Variants in RNF213 observed in about 807,000 individuals in gnomAD.
The protein encoded by RNF213 is ring finger protein 213, also known as E3 ubiquitin-protein ligase RNF213.
In RNF213, 341 loss-of-function variants were observed where a neutral mutation model predicts 514.4. The observed-to-expected ratio is 0.66, with a 90% CI of 0.61 to 0.73. The LOEUF (loss-of-function observed/expected upper bound fraction) is 0.73. RNF213 is among the 30% of genes least tolerant of loss of function. RNF213 has a pLI of 0.00. For missense variants in RNF213, 5,767 were observed against 6,615.6 expected, an observed-to-expected ratio of 0.87 and a Z score of 4.45; for synonymous variants, 2,655 against 2,658.2, an observed-to-expected ratio of 1.00 and a Z score of 0.04.
Position 80,290,433 on chromosome 17 carries a change from G to A in RNF213, c.1113-137G>A, listed in dbSNP as rs1360484379. ...TGTGTGCGTGTGTGCGAGTGTGCGCGTGTGTGCATGTGTGTGTGCGAGTGC... is the reference window on the plus strand; with the variant it reads ...TGTGTGCGTGTGTGCGAGTGTGCGCATGTGTGCATGTGTGTGTGCGAGTGC... On this transcript the variant is annotated intron_variant, in intron 6 of 67. Transcript: ENST00000582970. The A allele has an allele frequency of 5.0e-5, 51 of 1,017,162 alleles. 2 individuals are homozygous for A. Among genetic ancestry groups the A allele is most frequent in the South Asian group, 2.6e-4 (20 of 77,304 alleles). The allele number at this position is 1,017,162 out of a possible 1,614,324, so 63.0% of individuals were successfully genotyped here.
rs536108609 is a variant in RNF213 at position 80,340,277 on chromosome 17, G to A, written c.5910G>A (p.Pro1970=). 113 of 1,614,058 alleles carry A rather than the reference G, an allele frequency of 7.0e-5. No individual in the cohort carries two copies. Among genetic ancestry groups the A allele is most frequent in the Middle Eastern group, 4.9e-4 (3 of 6,062 alleles). The part of the protein sequence containing the change: ...QAYLAGHYRV[P]KQTLSAAAVF... Reference sequence around the variant, plus strand: ...ACCTGGCAGGTCACTACCGGGTCCCGAAGCAGACCCTGTCGGCGGCAGCCG... The same window carrying A: ...ACCTGGCAGGTCACTACCGGGTCCCAAAGCAGACCCTGTCGGCGGCAGCCG... Residue 1970 remains proline (P), a synonymous_variant, in exon 26 of 68, where the codon CCG becomes CCA. Coordinates refer to ENST00000582970, the MANE Select transcript of RNF213 (RefSeq NM_001256071.3).
intron 57 of RNF213, chr17:80,382,354 A>AC (rs2080046178): frequency 6.4e-6 from 1 of 156,336 alleles, no homozygotes; most frequent in Non-Finnish European, 1.4e-5. Context: ...AATCTGCAAA[A>AC]ATCACAATGA....
At chr17:80,331,262 G>A (rs2046407011) in intron 20 of RNF213, among the ~76,000 whole-genome samples, 1 of 152,132 alleles carries the variant, frequency 6.6e-6, no homozygotes, top group Admixed American at 6.6e-5. Flanking sequence ...TGCCCACTGG[G>A]ACCCTAGGAC....
In RNF213 at chr17:80,319,414, C is replaced by G. The variant is rs150268023; in HGVS notation, c.3024+102C>G. 46 of 1,614,084 alleles carry G rather than the reference C, an allele frequency of 2.8e-5. No individual in the cohort carries two copies. The African/African-American group carries it at 6.0e-4, about 21-fold the overall frequency. On this transcript the variant is annotated intron_variant, in intron 17 of 67. Transcript: ENST00000582970. ...AGCACCCGCTGGGTCTCAGCTCCTCCGCTAACTCAGAGATTGGGAAGTGGG... is the reference window on the plus strand; with the variant it reads ...AGCACCCGCTGGGTCTCAGCTCCTCGGCTAACTCAGAGATTGGGAAGTGGG...
intron 11 of RNF213, among the ~76,000 whole-genome samples, chr17:80,302,823 T>C (rs2045227423): frequency 1.3e-5 from 2 of 152,168 alleles, no homozygotes; most frequent in African/African-American, 4.8e-5. Context: ...CCAGATTCCC[T>C]AGAAGTTGAA....
intron 25 of RNF213, 104 bp from the exon 26 acceptor site, chr17:80,339,097 T>C (rs1042116713): frequency 1.1e-6 from 1 of 948,760 alleles, no homozygotes; most frequent in Non-Finnish European, 1.5e-6. Flanking sequence ...AGTGGGCCTG[T>C]GGACAGGGCC....
rs2080691826 is a variant in RNF213, at chr17:80,397,696, CAT to C, written c.*4199_*4200del. On this transcript the variant is annotated 3_prime_UTR_variant, in exon 68 of 68. Transcript: ENST00000582970. ...ACTCGGGGAGCTCAGTTGTTGGAGACATGAGTCTTGCCGAAGCGCCCGGCTGA... is the reference window on the plus strand; with the variant it reads ...ACTCGGGGAGCTCAGTTGTTGGAGACGAGTCTTGCCGAAGCGCCCGGCTGA... The C allele has an allele frequency of 6.6e-6, 1 of 151,812 alleles. No homozygotes were observed. Among genetic ancestry groups the C allele is most frequent in the South Asian group, 2.1e-4 (1 of 4,790 alleles). 9.4% of individuals were successfully genotyped at this position (151,812 alleles called of 1,614,324 possible). A position where few individuals can be genotyped will look rare whatever the true frequency, so the allele number is the denominator to read the frequency against.
chr17:80,391,005 T>A (rs2080447796), intron 67 of RNF213, among the ~76,000 whole-genome samples: 1 of 152,022 alleles, frequency 6.6e-6, no homozygotes. Flanking sequence ...GAGATTGCAG[T>A]GAGCTGAGAT....
Position 80,345,302 on chromosome 17 carries a change from C to T in RNF213, c.6967C>T (p.Gln2323Ter). ...CATGACATTCATCGGCTTCCATCTG[C>T]AGCCCAACATCAACGGCAGTGTCGA... ...TTMTFIGFHL[Q>*]PNINGSVDAI... Residue 2323 changes from glutamine (Q) to a stop codon, truncating the protein, a stop_gained, in exon 29 of 68, where the codon CAG becomes TAG. Transcript: ENST00000582970. LOFTEE classifies it high-confidence loss of function. This position sits in a 1 kb window ranked among gnomAD's most constrained non-coding sequence, Gnocchi z 6.0. 1 of 1,614,120 alleles carries T rather than the reference C, an allele frequency of 6.2e-7. No individual in the cohort carries two copies.
In RNF213 at chr17:80,394,957, G is replaced by C. The variant is rs1285794294; in HGVS notation, c.*1459G>C. ...GAACGGGTGTGGGGGCCGGGGGCTG[G>C]CTTGCTGAAGTCTTCAACTTGCACT... is the stretch of plus-strand genomic sequence containing the variant. On this transcript the variant is annotated 3_prime_UTR_variant, in exon 68 of 68. Transcript: ENST00000582970. The C allele has an allele frequency of 1.3e-5, 2 of 152,218 alleles. No homozygotes were observed. Among genetic ancestry groups the C allele is most frequent in the Non-Finnish European group, 2.9e-5 (2 of 68,200 alleles). 9.4% of individuals were successfully genotyped at this position (152,218 alleles called of 1,614,324 possible).
rs1182007313 is a variant in RNF213, at chr17:80,334,114, T to G, written c.4153T>G (p.Phe1385Val). Residue 1385 changes from phenylalanine to valine, a missense_variant, in exon 22 of 68, where the codon TTC (phenylalanine) becomes GTC (valine). This residue lies in a region of RNF213 where 516 missense variants were observed against 566.5 expected (regional missense o/e 0.91). Transcript: ENST00000582970. ...GAGCTTTTTCTTGCAGACTGATAAC[T>G]TCGACGACTTTCGCCGTGAAACACT... ...LNTLLNFTDN[F>V]DDFRRETLDQ... 1.3e-6 allele frequency: 2 copies of G among 1,537,214 alleles called. No individual in the cohort carries two copies. The highest frequency in any genetic ancestry group is 1.7e-6 in the Non-Finnish European group (2 of 1,146,896).
intron 31 of RNF213, among the ~76,000 whole-genome samples, chr17:80,350,674 C>T (rs1465926920): frequency 1.3e-5 from 2 of 152,202 alleles, no homozygotes; most frequent in South Asian, 2.1e-4. Flanking sequence ...CACAGTGCAC[C>T]TCTAGTCCCA....
Position 80,393,592 on chromosome 17 carries a change from C to T in RNF213, c.*94C>T, listed in dbSNP as rs1416287713. 7.3e-7 allele frequency: 1 copy of T among 1,377,564 alleles called. No homozygotes were observed. Among genetic ancestry groups the T allele is most frequent in the East Asian group, 2.4e-5 (1 of 42,432 alleles). 85.3% of individuals were successfully genotyped at this position (1,377,564 alleles called of 1,614,324 possible). A position where few individuals can be genotyped will look rare whatever the true frequency, so the allele number is the denominator to read the frequency against. On this transcript the variant is annotated 3_prime_UTR_variant, in exon 68 of 68. Coordinates refer to ENST00000582970, the MANE Select transcript of RNF213 (RefSeq NM_001256071.3). ...ACTTGATCATGGACTGGTGCCTTTG[C>T]ATTCAGAAGGAGAGCTGTCAGCGTA...
rs1277294100 is a variant in RNF213 at position 80,263,130 on chromosome 17, G to A, written c.-108-444G>A. On this transcript the variant is annotated intron_variant, in intron 1 of 67. Coordinates refer to ENST00000582970, the MANE Select transcript of RNF213 (RefSeq NM_001256071.3). The surrounding 1 kb of genome is among the most constrained non-coding windows in gnomAD (Gnocchi z 4.9). ...ACCGCAGAGGCTGTTCTGAGGGCAG[G>A]TGGTCAGTGCAGAGTGGCGCGCTTT... Among the ~76,000 whole-genome samples, 3 of 152,232 alleles carry A rather than the reference G, an allele frequency of 2.0e-5. No individual in the cohort carries two copies. Among genetic ancestry groups the A allele is most frequent in the Non-Finnish European group, 4.4e-5 (3 of 68,030 alleles).
In RNF213 at chr17:80,351,839, G is replaced by GTATT. The variant is rs756130546; in HGVS notation, c.10303+50_10303+53dup. On this transcript the variant is annotated intron_variant, in intron 32 of 67. Transcript: ENST00000582970. The stretch of plus-strand genomic sequence containing the variant: ...AACATCAGTCAGGGTATTTATTTAT[G>GTATT]TATTTATTTATTTATTTGTATCTAT... The GTATT allele has an allele frequency of 4.8e-5, 54 of 1,123,400 alleles. 1 individual carries two copies. The highest frequency in any genetic ancestry group is 2.1e-4 in the African/African-American group (14 of 65,200). The allele number at this position is 1,123,400 out of a possible 1,614,324, so 69.6% of individuals were successfully genotyped here. A position where few individuals can be genotyped will look rare whatever the true frequency, so the allele number is the denominator to read the frequency against.
chr17:80,351,809 A>C lies in RNF213; in HGVS notation c.10303+6A>C, dbSNP rs768337644. The stretch of plus-strand genomic sequence containing the variant: ...CTATGTGGGCTTCCACGGAGGTGAG[A>C]TCAGAACATCAGTCAGGGTATTTAT... On this transcript the variant is annotated splice_donor_region_variant and intron_variant, in intron 32 of 67. Coordinates refer to ENST00000582970, the MANE Select transcript of RNF213 (RefSeq NM_001256071.3). 1 of 1,301,360 alleles carries C rather than the reference A, an allele frequency of 7.7e-7. No individual in the cohort carries two copies. Among genetic ancestry groups the C allele is most frequent in the African/African-American group, 1.5e-5 (1 of 68,716 alleles). The allele number at this position is 1,301,360 out of a possible 1,614,324, so 80.6% of individuals were successfully genotyped here.
Position 80,393,911 on chromosome 17 carries a change from T to C in RNF213, c.*413T>C, listed in dbSNP as rs1236989197. The C allele has an allele frequency of 4.9e-6, 1 of 204,840 alleles. No individual in the cohort carries two copies. The highest frequency in any genetic ancestry group is 1.0e-5 in the Non-Finnish European group (1 of 98,848). 12.7% of individuals were successfully genotyped at this position (204,840 alleles called of 1,614,324 possible). A position where few individuals can be genotyped will look rare whatever the true frequency, so the allele number is the denominator to read the frequency against. On this transcript the variant is annotated 3_prime_UTR_variant, in exon 68 of 68. Coordinates refer to ENST00000582970, the MANE Select transcript of RNF213 (RefSeq NM_001256071.3). ...AATTCTGTACTCACAAAAGAGAATC[T>C]CATTTTCTTCTTTCTTCCATTCCCT...
In RNF213 at chr17:80,382,317, T is replaced by C. The variant is rs34095585; in HGVS notation, c.13978+590T>C. 2.7e-3 allele frequency: 419 copies of C among 156,058 alleles called. 2 individuals carry two copies. Among genetic ancestry groups the C allele is most frequent in the Non-Finnish European group, 3.9e-3 (275 of 70,244 alleles). The allele number at this position is 156,058 out of a possible 1,614,324, so 9.7% of individuals were successfully genotyped here. ...TGGTTATATGGTTATCTGTGAGTGGTGGAATTAAGAGTGATTTTCTTTTGC... is the reference window on the plus strand; with the variant it reads ...TGGTTATATGGTTATCTGTGAGTGGCGGAATTAAGAGTGATTTTCTTTTGC... On this transcript the variant is annotated intron_variant, in intron 57 of 67. Coordinates refer to ENST00000582970, the MANE Select transcript of RNF213 (RefSeq NM_001256071.3).
At chr17:80,281,569 C>G (rs942559249) in intron 3 of RNF213, among the ~76,000 whole-genome samples, 1 of 111,562 alleles carries the variant, frequency 9.0e-6, no homozygotes, top group African/African-American at 3.2e-5. Flanking sequence ...ACAAACGCCC[C>G]ACTCACACCA....
Sources: gnomAD v4.1 joint callset for allele counts (sites outside exome capture counted in the v4.1 genomes callset) on GRCh38, gnomAD v4.1.1 for gene constraint, gnomAD v4.1.1 regional missense constraint, Gnocchi (gnomAD v3.1) non-coding constraint, MANE v1.5 for transcripts, NCBI Gene and HGNC (gene_info 2026-07-23, HGNC 2026-07-21) for gene names.